KCNJ6: variants seen among roughly 807,000 people sequenced by gnomAD.
KCNJ6 encodes the protein G protein-activated inward rectifier potassium channel 2.
KCNJ6 carries 9 observed loss-of-function variants against 34.2 expected under a neutral mutation model. That is an observed-to-expected ratio of 0.26 (90% CI 0.16 to 0.46). The LOEUF (loss-of-function observed/expected upper bound fraction) is 0.46, where lower values mean the gene tolerates loss of function less well. KCNJ6 is among the 20% of genes least tolerant of loss of function. KCNJ6 has a pLI of 1.00. For synonymous variants in KCNJ6, 196 were observed against 207.1 expected (o/e 0.95, Z 0.46); for missense variants, 236 against 531.3 (o/e 0.44, Z 5.46).
intron 3 of KCNJ6, among the ~76,000 whole-genome samples, chr21:37,626,629 G>A (rs904529325): frequency 2.0e-5 from 3 of 147,638 alleles, no homozygotes; most frequent in African/African-American, 7.8e-5. Context: ...AATGACACGT[G>A]TGGTTTTTTA....
chr21:37,801,296 A>C (rs906300305), intron 2 of KCNJ6, among the ~76,000 whole-genome samples: 2 of 151,598 alleles, frequency 1.3e-5, no homozygotes, highest in Non-Finnish European at 2.9e-5. Context: ...TGTGTGCAAA[A>C]CTCCAAGGAG....
intron 2 of KCNJ6, among the ~76,000 whole-genome samples, chr21:37,800,507 A>AGTGTT (rs2055263758): frequency 6.6e-6 from 1 of 152,230 alleles, no homozygotes; most frequent in East Asian, 1.9e-4. Context: ...GCAGGAATTA[A>AGTGTT]GTGTTGATTA....
chr21:37,847,168 T>C (rs2055513189), intron 1 of KCNJ6, among the ~76,000 whole-genome samples: 1 of 152,198 alleles, frequency 6.6e-6, no homozygotes, highest in Admixed American at 6.5e-5. Context: ...TGAAAATATA[T>C]AAAAATAGTA....
chr21:37,733,824 C>T (rs965496799), intron 2 of KCNJ6, among the ~76,000 whole-genome samples: 1 of 152,152 alleles, frequency 6.6e-6, no homozygotes, highest in African/African-American at 2.4e-5. Context: ...TTGCATTTCC[C>T]CAGGTTTCAG....
intron 2 of KCNJ6, among the ~76,000 whole-genome samples, chr21:37,766,963 AC>A (rs2055094466): frequency 6.6e-6 from 1 of 151,934 alleles, no homozygotes; most frequent in Non-Finnish European, 1.5e-5. Flanking sequence ...TTCCCAAACC[AC>A]CCTCTTCTAC....
chr21:37,905,981 G>A (rs2055839715), intron 1 of KCNJ6, among the ~76,000 whole-genome samples: 1 of 152,180 alleles, frequency 6.6e-6, no homozygotes, highest in African/African-American at 2.4e-5. Context: ...GCTGTGATAA[G>A]CCCTCTATTC....
intron 1 of KCNJ6, among the ~76,000 whole-genome samples, chr21:37,894,596 G>A (rs180898512): frequency 1.5e-3 from 230 of 152,192 alleles, no homozygotes; most frequent in African/African-American, 5.2e-3. Flanking sequence ...CCCGGGAGGC[G>A]GAGGTTGCAA....
intron 1 of KCNJ6, among the ~76,000 whole-genome samples, chr21:37,910,551 T>C (rs4143399): frequency 0.024 from 3,732 of 152,336 alleles, 256 homozygotes; most frequent in East Asian, 0.24. Context: ...TGGATCTTTT[T>C]AGCCACAGAT....
In KCNJ6 at chr21:37,735,416, C is replaced by T. The variant is rs144657239; in HGVS notation, c.26-20285G>A. 7.5e-3 allele frequency among the ~76,000 whole-genome samples: 1,146 copies of T among 152,284 alleles called. 11 individuals are homozygous for T. Among genetic ancestry groups the T allele is most frequent in the Admixed American group, 0.032 (482 of 15,292 alleles). The stretch of plus-strand genomic sequence containing the variant: ...AATGGAATCATTCCATATTCGAGTG[C>T]GGTGCTGCTCCTCCAGCTGCCAGGA... On this transcript the variant is annotated intron_variant, in intron 2 of 3. Coordinates refer to ENST00000609713, the MANE Select transcript of KCNJ6 (RefSeq NM_002240.5).
chr21:37,884,612 A>C (rs1183888884), intron 1 of KCNJ6, among the ~76,000 whole-genome samples: 1 of 152,190 alleles, frequency 6.6e-6, no homozygotes, highest in Non-Finnish European at 1.5e-5. Flanking sequence ...AAAGCCCCAA[A>C]GTAAAAGTCA....
At chr21:37,811,172 G>C (rs1259173380) in intron 2 of KCNJ6, among the ~76,000 whole-genome samples, 2 of 152,162 alleles carry the variant, frequency 1.3e-5, no homozygotes, top group Non-Finnish European at 2.9e-5. Context: ...TCCCATGCCA[G>C]GAGGCTGGTG....
At chr21:37,690,220 CATTTTCCATGTAATT>C (rs1300561490) in intron 3 of KCNJ6, among the ~76,000 whole-genome samples, 1 of 152,128 alleles carries the variant, frequency 6.6e-6, no homozygotes, top group African/African-American at 2.4e-5. Context: ...AAAGGTTTAT[CATTTTCCATGTAATT>C]ATTTTTACAT....
At chr21:37,833,510 C>T (rs890579680) in intron 2 of KCNJ6, among the ~76,000 whole-genome samples, 4 of 152,060 alleles carry the variant, frequency 2.6e-5, no homozygotes, top group Non-Finnish European at 5.9e-5. Flanking sequence ...TTTTAAGATG[C>T]AGTGTCAATA....
chr21:37,617,958 C>G lies in KCNJ6; in HGVS notation c.*7201G>C, dbSNP rs1236931162. 6.6e-6 allele frequency: 1 copy of G among 152,228 alleles called. No individual in the cohort carries two copies. The highest frequency in any genetic ancestry group is 1.5e-5 in the Non-Finnish European group (1 of 68,076). The allele number at this position is 152,228 out of a possible 1,614,324, so 9.4% of individuals were successfully genotyped here. On this transcript the variant is annotated 3_prime_UTR_variant, in exon 4 of 4. Coordinates refer to ENST00000609713, the MANE Select transcript of KCNJ6 (RefSeq NM_002240.5). ...ATACAGGGTCCCCCGGAAGATACTT[C>G]TAGGGGGTCATTGTCCAGATGGGCA...
At chr21:37,666,443 C>T (rs1174954883) in intron 3 of KCNJ6, among the ~76,000 whole-genome samples, 1 of 144,020 alleles carries the variant, frequency 6.9e-6, no homozygotes, top group African/African-American at 2.6e-5. Context: ...GCTGTCTCAG[C>T]AAGTCACCTT....
chr21:37,771,015 T>C (rs1362039444), intron 2 of KCNJ6, among the ~76,000 whole-genome samples: 3 of 152,166 alleles, frequency 2.0e-5, no homozygotes, highest in Non-Finnish European at 4.4e-5. Flanking sequence ...GGAAAAGAGT[T>C]GGTGTGCTTT....
At chr21:37,735,424 C>T (rs2054907824) in intron 2 of KCNJ6, among the ~76,000 whole-genome samples, 1 of 152,212 alleles carries the variant, frequency 6.6e-6, no homozygotes, top group Non-Finnish European at 1.5e-5. Context: ...TGCGGTGCTG[C>T]TCCTCCAGCT....
chr21:37,860,003 G>A (rs1286696099), intron 1 of KCNJ6, among the ~76,000 whole-genome samples: 1 of 151,882 alleles, frequency 6.6e-6, no homozygotes, highest in Non-Finnish European at 1.5e-5. Context: ...GACTCCTTGT[G>A]GGCACTCCAC....
intron 2 of KCNJ6, among the ~76,000 whole-genome samples, chr21:37,790,758 T>G (rs16995501): frequency 0.021 from 3,225 of 152,330 alleles, 115 homozygotes; most frequent in African/African-American, 0.074. Context: ...ATGTCTTCAT[T>G]TCTGCTCCTC....
Sources: gnomAD v4.1 joint callset for allele counts (sites outside exome capture counted in the v4.1 genomes callset) on GRCh38, gnomAD v4.1.1 for gene constraint, MANE v1.5 for transcripts, NCBI Gene and HGNC (gene_info 2026-07-23, HGNC 2026-07-21) for gene names.